Variants in HHAT observed in about 807,000 individuals in gnomAD.
HHAT encodes protein-cysteine N-palmitoyltransferase HHAT.
A neutral mutation model predicts 70.8 loss-of-function variants in HHAT; 47 were observed. The observed-to-expected ratio is 0.66, with a 90% CI of 0.53 to 0.85. The LOEUF (loss-of-function observed/expected upper bound fraction) is 0.85. Ranked by LOEUF, HHAT falls within the 40% of genes least tolerant of loss-of-function variation. HHAT has a pLI of 0.00. For missense variants in HHAT, 609 were observed against 604.8 expected (o/e 1.01, Z -0.07); for synonymous variants, 228 against 247.6 (o/e 0.92, Z 0.74).
At chr1:210,505,305 A>G (rs150828073) in intron 8 of HHAT, among the ~76,000 whole-genome samples, 39 of 152,288 alleles carry the variant, frequency 2.6e-4, no homozygotes, top group Admixed American at 1.1e-3. Context: ...CAGGAAGCCT[A>G]TTCTAAGAAT....
intron 1 of HHAT, among the ~76,000 whole-genome samples, chr1:210,336,287 A>ACTTTTTT (rs2085478176): frequency 1.2e-5 from 1 of 84,626 alleles, no homozygotes; most frequent in African/African-American, 4.5e-5. Flanking sequence ...TGCCTGGCTA[A>ACTTTTTT]TTTTTTTTTT....
At chr1:210,556,127 G>A (rs1333286902) in intron 9 of HHAT, among the ~76,000 whole-genome samples, 5 of 151,790 alleles carry the variant, frequency 3.3e-5, no homozygotes, top group South Asian at 4.2e-4. Flanking sequence ...TCCCCTTCTC[G>A]TGGTCTTTTT....
At chr1:210,474,843 T>TG (rs2094277537) in intron 8 of HHAT, among the ~76,000 whole-genome samples, 1 of 151,374 alleles carries the variant, frequency 6.6e-6, no homozygotes, top group Non-Finnish European at 1.5e-5. Flanking sequence ...TTTCCGTTTT[T>TG]TTTGTTTGTT....
intron 11 of HHAT, among the ~76,000 whole-genome samples, chr1:210,653,619 A>T (rs1574020336): frequency 6.6e-6 from 1 of 152,282 alleles, no homozygotes; most frequent in Middle Eastern, 3.4e-3. Context: ...GGAAATGGGA[A>T]CAGGAGATGC....
At chr1:210,393,472 T>C (rs2091582892) in intron 4 of HHAT, among the ~76,000 whole-genome samples, 1 of 152,202 alleles carries the variant, frequency 6.6e-6, no homozygotes, top group African/African-American at 2.4e-5. Context: ...CAAATACTGC[T>C]CACTCTTCTG....
At chr1:210,646,065 A>C (rs779608722) in intron 11 of HHAT, among the ~76,000 whole-genome samples, 4 of 152,220 alleles carry the variant, frequency 2.6e-5, no homozygotes, top group Non-Finnish European at 5.9e-5. Flanking sequence ...CCCGTGCTTC[A>C]GCAAGTTTTG....
At chr1:210,550,438 T>A (rs1251254298) in intron 9 of HHAT, among the ~76,000 whole-genome samples, 2 of 149,172 alleles carry the variant, frequency 1.3e-5, no homozygotes, top group East Asian at 4.4e-4. Flanking sequence ...TTCAGTTTCC[T>A]CAACTGTAAA....
At chr1:210,413,462 C>T (rs1270758936) in intron 6 of HHAT, among the ~76,000 whole-genome samples, 1 of 152,210 alleles carries the variant, frequency 6.6e-6, no homozygotes, top group Admixed American at 6.5e-5. Flanking sequence ...TCTTTAAGTT[C>T]TGCTTCCCTT....
At chr1:210,392,800 C>T (rs1002913666) in intron 4 of HHAT, among the ~76,000 whole-genome samples, 15 of 152,074 alleles carry the variant, frequency 9.9e-5, no homozygotes, top group African/African-American at 1.2e-4. Context: ...CACCCCACCT[C>T]GTTTATAGGA....
intron 11 of HHAT, among the ~76,000 whole-genome samples, chr1:210,632,664 CA>C (rs1456177374): frequency 1.3e-5 from 2 of 152,254 alleles, no homozygotes; most frequent in Non-Finnish European, 2.9e-5. Flanking sequence ...TTCGATTTTA[CA>C]AGCTGCTCTT....
intron 11 of HHAT, among the ~76,000 whole-genome samples, chr1:210,635,925 A>AG (rs35393192): frequency 0.27 from 40,332 of 152,084 alleles, 5,674 homozygotes; most frequent in East Asian, 0.31. Context: ...TCGTTCTGGA[A>AG]GGGGGGTGCC....
At chr1:210,617,038 A>G (rs1667895714) in intron 10 of HHAT, among the ~76,000 whole-genome samples, 1 of 152,266 alleles carries the variant, frequency 6.6e-6, no homozygotes, top group Admixed American at 6.5e-5. Context: ...GAGCCTCAGC[A>G]TGTGCTGGGC....
intron 7 of HHAT, among the ~76,000 whole-genome samples, chr1:210,449,253 C>G (rs889320419): frequency 6.6e-6 from 1 of 150,788 alleles, no homozygotes; most frequent in Non-Finnish European, 1.5e-5. Flanking sequence ...CCTTTTCCCC[C>G]CTTAGGAACA....
intron 8 of HHAT, among the ~76,000 whole-genome samples, chr1:210,478,198 T>A (rs2094335030): frequency 6.6e-6 from 1 of 152,210 alleles, no homozygotes; most frequent in African/African-American, 2.4e-5. Context: ...CAGAGGGAAA[T>A]TCAAGGGACT....
chr1:210,541,743 A>C (rs372661578), intron 9 of HHAT, among the ~76,000 whole-genome samples: 10 of 152,278 alleles, frequency 6.6e-5, no homozygotes, highest in East Asian at 5.8e-4. Flanking sequence ...CAAACAAAAA[A>C]CAAAACAACA....
intron 10 of HHAT, among the ~76,000 whole-genome samples, chr1:210,609,991 T>C (rs953717703): frequency 2.0e-5 from 3 of 152,234 alleles, no homozygotes; most frequent in African/African-American, 4.8e-5. Context: ...CAAGTATCTT[T>C]ATAATAGAAT....
intron 3 of HHAT, among the ~76,000 whole-genome samples, chr1:210,367,135 A>G (rs1049200601): frequency 6.6e-6 from 1 of 152,234 alleles, no homozygotes; most frequent in Non-Finnish European, 1.5e-5. Flanking sequence ...GGCAGTAAAC[A>G]GGGTGATAGG....
At chr1:210,441,056 C>T (rs2093495389) in intron 7 of HHAT, among the ~76,000 whole-genome samples, 1 of 152,184 alleles carries the variant, frequency 6.6e-6, no homozygotes, top group Non-Finnish European at 1.5e-5. Context: ...GAGGATGCCA[C>T]CCCCTCCTAG....
At chr1:210,660,109 A>C (rs1469128998) in intron 11 of HHAT, among the ~76,000 whole-genome samples, 1 of 152,194 alleles carries the variant, frequency 6.6e-6, no homozygotes, top group Admixed American at 6.5e-5. Context: ...CAATTAGGAA[A>C]AGAGGAAGTC....
Sources: allele counts gnomAD v4.1 joint callset (sites outside exome capture counted in the v4.1 genomes callset), GRCh38; gene constraint gnomAD v4.1.1; transcripts MANE v1.5; gene names NCBI Gene and HGNC (gene_info 2026-07-23, HGNC 2026-07-21).